Variants in CDH13 observed in about 807,000 individuals in gnomAD.
The protein encoded by CDH13 is cadherin 13.
A neutral mutation model predicts 63.8 loss-of-function variants in CDH13; 24 were observed. That is an observed-to-expected ratio of 0.38 (90% CI 0.27 to 0.53). The LOEUF (loss-of-function observed/expected upper bound fraction) is 0.53, where lower values mean the gene tolerates loss of function less well. Ranked by LOEUF, CDH13 falls within the 20% of genes least tolerant of loss-of-function variation. The pLI is 0.85. For synonymous variants in CDH13, 503 were observed against 355.3 expected (o/e 1.42, Z -4.67); for missense variants, 1,049 against 903.1 (o/e 1.16, Z -2.07).
chr16:83,748,370 A>G, intron 11 of CDH13, 120 bp downstream of exon 11: 1 of 845,274 alleles, frequency 1.2e-6, no homozygotes, highest in Non-Finnish European at 1.8e-6. Context: ...GTGTGTGGGA[A>G]CAGCAAAGTA....
At chr16:83,619,884 G>A (rs1204731456) in intron 8 of CDH13, among the ~76,000 whole-genome samples, 1 of 152,202 alleles carries the variant, frequency 6.6e-6, no homozygotes. Context: ...CAGAAGTGGA[G>A]GATGCAGATG....
At chr16:82,712,735 C>T (rs570467578) in intron 1 of CDH13, among the ~76,000 whole-genome samples, 1 of 152,180 alleles carries the variant, frequency 6.6e-6, no homozygotes, top group Non-Finnish European at 1.5e-5. Context: ...TTCTTATGTT[C>T]TTGACTGTTC....
intron 10 of CDH13, among the ~76,000 whole-genome samples, chr16:83,740,976 G>A (rs145555020): frequency 1.2e-3 from 178 of 152,294 alleles, no homozygotes; most frequent in South Asian, 4.8e-3. Flanking sequence ...AGAAAGTCAG[G>A]CAGGTCCAGA....
chr16:83,269,764 C>A (rs1038243753), intron 5 of CDH13, among the ~76,000 whole-genome samples: 2 of 152,166 alleles, frequency 1.3e-5, no homozygotes, highest in Admixed American at 6.5e-5. Flanking sequence ...TTGCTCCTCA[C>A]CAGGTAATCC....
At chr16:83,527,978 C>G (rs766435939) in intron 7 of CDH13, among the ~76,000 whole-genome samples, 2 of 152,166 alleles carry the variant, frequency 1.3e-5, no homozygotes, top group South Asian at 4.1e-4. Context: ...AGTTCGGTGA[C>G]TTTCTAAGGG....
At position 83,553,036 on chromosome 16, in the gene CDH13, G is replaced by A. The variant is rs563683156; in HGVS notation, c.961-49418G>A. Among the ~76,000 whole-genome samples, 7 of 150,426 alleles carry A rather than the reference G, an allele frequency of 4.7e-5. No homozygotes were observed. In the South Asian group the frequency reaches 6.3e-4, roughly 14 times the overall value. ...AGAGGTTGCAGTGAGCTGAGATCGC[G>A]TCACTGCACCGTAGCCTGGGCGACA... On this transcript the variant is annotated intron_variant, in intron 7 of 13. Coordinates refer to ENST00000567109, the MANE Select transcript of CDH13 (RefSeq NM_001257.5).
intron 1 of CDH13, among the ~76,000 whole-genome samples, chr16:82,703,651 C>T (rs772142524): frequency 8.5e-5 from 13 of 152,204 alleles, no homozygotes; most frequent in South Asian, 6.2e-4. Context: ...TCCAATAATA[C>T]GCTACTTAAG....
At chr16:82,843,021 C>G (rs1597775184) in intron 1 of CDH13, among the ~76,000 whole-genome samples, 1 of 152,196 alleles carries the variant, frequency 6.6e-6, no homozygotes, top group Admixed American at 6.5e-5. Flanking sequence ...CCGCCACTCA[C>G]CTCTTGCTAT....
intron 4 of CDH13, among the ~76,000 whole-genome samples, chr16:83,136,498 A>AG (rs2036293265): frequency 6.6e-6 from 1 of 151,770 alleles, no homozygotes; most frequent in Non-Finnish European, 1.5e-5. Flanking sequence ...AAAAAAAAAA[A>AG]AAAAAAAAAG....
At chr16:83,345,140 C>A in intron 6 of CDH13, 134 bp downstream of exon 6, 3 of 970,472 alleles carry the variant, frequency 3.1e-6, no homozygotes, top group Non-Finnish European at 3.0e-6. Context: ...TACTTCCCTG[C>A]GTAGAAGCCA....
chr16:82,780,190 A>G (rs1424887581), intron 1 of CDH13, among the ~76,000 whole-genome samples: 1 of 152,120 alleles, frequency 6.6e-6, no homozygotes, highest in Non-Finnish European at 1.5e-5. Flanking sequence ...TATATTTAAG[A>G]AAAAAACCCC....
chr16:83,372,305 G>A (rs2091381980), intron 6 of CDH13, among the ~76,000 whole-genome samples: 1 of 152,154 alleles, frequency 6.6e-6, no homozygotes, highest in African/African-American at 2.4e-5. Flanking sequence ...TTTCAAAGTT[G>A]TCTCTCTTAA....
chr16:83,241,917 A>G (rs541177420), intron 5 of CDH13, among the ~76,000 whole-genome samples: 24 of 152,298 alleles, frequency 1.6e-4, no homozygotes, highest in African/African-American at 4.6e-4. Context: ...GTAAAATCCA[A>G]TGTCCTGAAG....
chr16:83,710,835 G>A (rs145111114), intron 10 of CDH13, among the ~76,000 whole-genome samples: 83 of 152,266 alleles, frequency 5.5e-4, no homozygotes, highest in African/African-American at 1.8e-3. Flanking sequence ...GCTGCAACTC[G>A]GGCACCTGAG....
chr16:82,972,328 G>A lies in CDH13; in HGVS notation c.158-59682G>A, dbSNP rs113607834. Among the ~76,000 whole-genome samples the A allele has an allele frequency of 3.9e-3, 596 of 152,222 alleles. 7 individuals are homozygous for A. The highest frequency in any genetic ancestry group is 0.014 in the African/African-American group (571 of 41,522). ...AGAGCTGTGTTTGGGTGAGAAGCAG[G>A]GAATGATTGAAAGGTAAGACAAGAG... On this transcript the variant is annotated intron_variant, in intron 2 of 13. Coordinates refer to ENST00000567109, the MANE Select transcript of CDH13 (RefSeq NM_001257.5).
intron 5 of CDH13, among the ~76,000 whole-genome samples, chr16:83,325,294 A>G (rs1375499911): frequency 1.3e-5 from 2 of 152,208 alleles, no homozygotes; most frequent in Non-Finnish European, 2.9e-5. Flanking sequence ...ATAAATAACA[A>G]TGAGAGAGGG....
intron 2 of CDH13, among the ~76,000 whole-genome samples, chr16:82,877,430 A>G (rs1311145619): frequency 6.6e-6 from 1 of 152,132 alleles, no homozygotes; most frequent in African/African-American, 2.4e-5. Context: ...GACGAAGGTG[A>G]TCTCAGTTGT....
chr16:82,900,848 C>A (rs1038093389), intron 2 of CDH13, among the ~76,000 whole-genome samples: 1 of 152,212 alleles, frequency 6.6e-6, no homozygotes. Flanking sequence ...ATGGCAGAAA[C>A]TTCCCCAGGC....
chr16:82,757,637 C>CT (rs1307353183), intron 1 of CDH13, among the ~76,000 whole-genome samples: 55 of 93,342 alleles, frequency 5.9e-4, no homozygotes, highest in Admixed American at 1.4e-3. Flanking sequence ...AACGCCATAG[C>CT]TTTTTTTTTG....
Sources: gnomAD v4.1 joint callset for allele counts (sites outside exome capture counted in the v4.1 genomes callset) on GRCh38, gnomAD v4.1.1 for gene constraint, MANE v1.5 for transcripts, NCBI Gene and HGNC (gene_info 2026-07-23, HGNC 2026-07-21) for gene names.